Variants in CLPTM1L observed in about 807,000 individuals in gnomAD.
CLPTM1L encodes lipid scramblase CLPTM1L.
Under a neutral mutation model 70.9 loss-of-function variants are expected in CLPTM1L, and 38 were observed. The ratio of observed to expected loss-of-function variants is 0.54; its 90% CI spans 0.41 to 0.70. CLPTM1L has a LOEUF of 0.70. Among genes scored for constraint, CLPTM1L ranks in the 30% least tolerant of loss-of-function variants. The pLI is 0.00. For synonymous variants in CLPTM1L, 339 were observed against 299.9 expected (o/e 1.13, Z -1.35); for missense variants, 652 against 705.9 (o/e 0.92, Z 0.87).
At position 1,342,046 on chromosome 5, in the gene CLPTM1L, GCA is replaced by G. The variant is rs796317082; in HGVS notation, c.264-188_264-187del. ...TGTGTGTGTGTGTGTGTGTGCACGC[GCA>G]CGCGTGCGCGTCCTGAGAACTCGGC... On this transcript the variant is annotated intron_variant, in intron 2 of 16. Coordinates refer to ENST00000320895, the MANE Select transcript of CLPTM1L (RefSeq NM_030782.5). This position sits in a 1 kb window ranked among gnomAD's most constrained non-coding sequence, Gnocchi z 4.3. Among the ~76,000 whole-genome samples, 3 of 151,234 alleles carry G rather than the reference GCA, an allele frequency of 2.0e-5. No homozygotes were observed. The highest frequency in any genetic ancestry group is 7.4e-5 in the African/African-American group (3 of 40,810).
chr5:1,323,649 G>A (rs1752322320), intron 12 of CLPTM1L, 138 bp downstream of exon 12: 3 of 672,738 alleles, frequency 4.5e-6, no homozygotes, highest in Non-Finnish European at 8.0e-6. Context: ...CAGCTGCAGG[G>A]GCAGGACCCC....
chr5:1,332,496 C>T (rs946794147), intron 7 of CLPTM1L, among the ~76,000 whole-genome samples: 5 of 152,240 alleles, frequency 3.3e-5, no homozygotes, highest in African/African-American at 1.2e-4. Context: ...CAGCCAAACT[C>T]CCAGGCACTC....
In CLPTM1L at chr5:1,337,960, G is replaced by T. The variant is rs1409934834; in HGVS notation, c.622C>A (p.His208Asn). The T allele has an allele frequency of 2.5e-6, 4 of 1,607,712 alleles. No individual in the cohort carries two copies. Among genetic ancestry groups the T allele is most frequent in the Non-Finnish European group, 3.4e-6 (4 of 1,178,050 alleles). The change falls in exon 5 of 17, where the codon CAT (histidine) becomes AAT (asparagine). Residue 208 changes from histidine (H) to asparagine (N), a missense_variant. Transcript: ENST00000320895. ...TCGATGAACAGGATGGGCAGGTAATGCACGGTTTTCCCCAGCTGGATCCTG... is the reference window on the plus strand; with the variant it reads ...TCGATGAACAGGATGGGCAGGTAATTCACGGTTTTCCCCAGCTGGATCCTG... ...MKMIQLGKTVHYLPILFIDQL... is the reference protein window; with the variant it reads ...MKMIQLGKTVNYLPILFIDQL...
At chr5:1,341,931 T>C in intron 2 of CLPTM1L, 71 bp from the exon 3 acceptor site, 1 of 1,250,316 alleles carries the variant, frequency 8.0e-7, no homozygotes, top group East Asian at 2.5e-5. Context: ...TCAAATACCT[T>C]TATAAAGCTG....
chr5:1,323,968 G>T, intron 11 of CLPTM1L, 99 bp from the exon 12 acceptor site: 1 of 939,794 alleles, frequency 1.1e-6, no homozygotes, highest in Non-Finnish European at 1.7e-6. Flanking sequence ...GACAGAACGA[G>T]CTACAGCGCT....
intron 9 of CLPTM1L, 89 bp downstream of exon 9, chr5:1,330,191 A>G (rs1235006073): frequency 2.9e-6 from 3 of 1,031,632 alleles, no homozygotes; most frequent in Non-Finnish European, 4.5e-6. Flanking sequence ...GCTTCCACAG[A>G]AGGTCTCAGG....
intron 7 of CLPTM1L, among the ~76,000 whole-genome samples, chr5:1,333,655 C>A (rs1178462026): frequency 9.5e-6 from 1 of 105,020 alleles, no homozygotes; most frequent in Non-Finnish European, 1.8e-5. Flanking sequence ...CTACTGTATA[C>A]ACACCGGCTG....
intron 8 of CLPTM1L, 162 bp downstream of exon 8, chr5:1,331,637 C>G: frequency 1.6e-6 from 1 of 639,414 alleles, no homozygotes; most frequent in Non-Finnish European, 2.7e-6. Flanking sequence ...CGCAACGGCT[C>G]CCTGGGCTTT....
rs758067940 is a variant in CLPTM1L at position 1,318,255 on chromosome 5, C to T, written c.*114G>A. On this transcript the variant is annotated 3_prime_UTR_variant, in exon 17 of 17. Transcript: ENST00000320895. The surrounding 1 kb of genome is among the most constrained non-coding windows in gnomAD (Gnocchi z 8.9). Reference sequence around the variant, plus strand: ...ACTTGGGAGATGTCTGAGAAATGTCCGAAGGGATTTTGGCAACACAGAAAA... The same window carrying T: ...ACTTGGGAGATGTCTGAGAAATGTCTGAAGGGATTTTGGCAACACAGAAAA... 6.6e-5 allele frequency: 54 copies of T among 814,914 alleles called. No homozygotes were observed. Among genetic ancestry groups the T allele is most frequent in the Middle Eastern group, 5.7e-4 (2 of 3,484 alleles). 50.5% of individuals were successfully genotyped at this position (814,914 alleles called of 1,614,324 possible).
chr5:1,338,113 A>T (rs186170428), intron 4 of CLPTM1L, 131 bp from the exon 5 acceptor site: 135 of 735,860 alleles, frequency 1.8e-4, no homozygotes, highest in Admixed American at 5.2e-4. Flanking sequence ...CTCAGTCACA[A>T]TGACCCCAGG....
chr5:1,336,332 G>A (rs947020687), intron 5 of CLPTM1L, among the ~76,000 whole-genome samples: 1 of 152,228 alleles, frequency 6.6e-6, no homozygotes, highest in Non-Finnish European at 1.5e-5. Context: ...ACACATGAGA[G>A]AGACTGTGAT....
intron 7 of CLPTM1L, among the ~76,000 whole-genome samples, chr5:1,333,769 T>A (rs187453227): frequency 3.7e-3 from 360 of 98,294 alleles, no homozygotes; most frequent in African/African-American, 5.1e-3. Flanking sequence ...ACACACCGGA[T>A]GAGGATAAGG....
intron 9 of CLPTM1L, 114 bp from the exon 10 acceptor site, chr5:1,325,930 C>T: frequency 3.6e-6 from 3 of 830,590 alleles, no homozygotes; most frequent in Non-Finnish European, 6.0e-6. Flanking sequence ...GCGCAGCCCA[C>T]TGTCCTCTTC....
At chr5:1,336,585 C>G (rs1753590517) in intron 5 of CLPTM1L, among the ~76,000 whole-genome samples, 1 of 152,254 alleles carries the variant, frequency 6.6e-6, no homozygotes, top group Non-Finnish European at 1.5e-5. Flanking sequence ...GCTCACACAG[C>G]TCTGTATGGG....
intron 3 of CLPTM1L, among the ~76,000 whole-genome samples, chr5:1,340,913 G>A (rs578200375): frequency 3.0e-4 from 45 of 152,140 alleles, no homozygotes; most frequent in Non-Finnish European, 5.6e-4. Context: ...TTACAGGCGC[G>A]TGCCACCACA....
intron 3 of CLPTM1L, among the ~76,000 whole-genome samples, chr5:1,340,346 G>A (rs1300162308): frequency 6.6e-6 from 1 of 152,156 alleles, no homozygotes; most frequent in Non-Finnish European, 1.5e-5. Flanking sequence ...GATTACACAC[G>A]GCTCTTACAT....
chr5:1,328,696 C>G (rs1287820079), intron 9 of CLPTM1L, among the ~76,000 whole-genome samples: 84 of 150,700 alleles, frequency 5.6e-4, no homozygotes, highest in Admixed American at 1.7e-3. Context: ...CCAGCTCCTC[C>G]TCTATAGACA....
chr5:1,333,760 C>T (rs1200870792), intron 7 of CLPTM1L, among the ~76,000 whole-genome samples: 17 of 150,648 alleles, frequency 1.1e-4, no homozygotes, highest in Non-Finnish European at 1.8e-4. Flanking sequence ...CTACTGTATA[C>T]ACACCGGATG....
At chr5:1,320,582 G>A (rs1432440107) in intron 16 of CLPTM1L, 34 bp downstream of exon 16, 16 of 1,249,856 alleles carry the variant, frequency 1.3e-5, no homozygotes, top group African/African-American at 4.6e-5. Flanking sequence ...CCGCTGAGAC[G>A]GAGCAACGGC....
Sources: allele counts gnomAD v4.1 joint callset (sites outside exome capture counted in the v4.1 genomes callset), GRCh38; gene constraint gnomAD v4.1.1; non-coding constraint Gnocchi (gnomAD v3.1); transcripts MANE v1.5; gene names NCBI Gene and HGNC (gene_info 2026-07-23, HGNC 2026-07-21).